Variants in FBXO34 observed in about 807,000 individuals in gnomAD.
FBXO34 encodes F-box protein 34.
FBXO34 carries 12 observed loss-of-function variants against 24.5 expected under a neutral mutation model. The observed-to-expected ratio is 0.49, with a 90% confidence interval of 0.31 to 0.79. The LOEUF (loss-of-function observed/expected upper bound fraction) is 0.79, where lower values mean the gene tolerates loss of function less well. Among genes scored for constraint, FBXO34 ranks in the 30% least tolerant of loss-of-function variants. The pLI is 0.04. For synonymous variants in FBXO34, 320 were observed against 311.9 expected, an observed-to-expected ratio of 1.03 and a Z score of -0.27; for missense variants, 823 against 857.7, an observed-to-expected ratio of 0.96 and a Z score of 0.51.
chr14:55,313,053 T>C (rs2092543534), intron 1 of FBXO34, among the ~76,000 whole-genome samples: 1 of 152,208 alleles, frequency 6.6e-6, no homozygotes, highest in Non-Finnish European at 1.5e-5. Context: ...TTTTTAAACT[T>C]AAGTTCCAAT....
At chr14:55,355,366 C>G (rs1413498428), downstream of FBXO34, 1 of 152,266 alleles carries the variant, frequency 6.6e-6, no homozygotes, top group Non-Finnish European at 1.5e-5. Flanking sequence ...TATGCCCCTG[C>G]TTGGCTGGGT....
chr14:55,393,511 A>C, the FBXO34 span, among the ~76,000 whole-genome samples: 5 of 152,126 alleles, frequency 3.3e-5, no homozygotes, highest in African/African-American at 1.2e-4. Flanking sequence ...CTCAGGGGTA[A>C]TCCTTTAAAA....
chr14:55,395,445 C>T, the FBXO34 span, among the ~76,000 whole-genome samples: 1 of 152,202 alleles, frequency 6.6e-6, no homozygotes, highest in African/African-American at 2.4e-5. Context: ...CTCTGCCTCC[C>T]GGGTTCAAGT....
chr14:55,440,741 C>A, the FBXO34 span: 2 of 574,206 alleles, frequency 3.5e-6, no homozygotes, highest in Non-Finnish European at 5.9e-6. Context: ...CCCACTCTGC[C>A]CGCAGCTGGG....
chr14:55,395,908 C>T, the FBXO34 span: 2 of 1,475,792 alleles, frequency 1.4e-6, no homozygotes, highest in Non-Finnish European at 1.8e-6. Flanking sequence ...AACATGTAGC[C>T]TCAAGTAAAA....
intron 1 of FBXO34, among the ~76,000 whole-genome samples, chr14:55,277,229 A>G (rs570905729): frequency 5.9e-5 from 9 of 152,336 alleles, no homozygotes; most frequent in African/African-American, 1.7e-4. Flanking sequence ...CAAATGGTCT[A>G]CTTTGTTAGA....
At chr14:55,276,802 G>A (rs2139628769) in intron 1 of FBXO34, among the ~76,000 whole-genome samples, 1 of 152,288 alleles carries the variant, frequency 6.6e-6, no homozygotes, top group Middle Eastern at 3.4e-3. Context: ...GAATTCTTGG[G>A]GACTGCGGAT....
intron 1 of FBXO34, among the ~76,000 whole-genome samples, chr14:55,301,081 C>T (rs1030956331): frequency 6.6e-6 from 1 of 152,164 alleles, no homozygotes; most frequent in Admixed American, 6.5e-5. Context: ...TTCCTTGTTA[C>T]TACAGTGGAC....
the FBXO34 span, among the ~76,000 whole-genome samples, chr14:55,389,419 A>C: frequency 1.2e-4 from 18 of 152,238 alleles, no homozygotes; most frequent in Non-Finnish European, 5.9e-5. Context: ...GGCACTGTTC[A>C]GTGTGCTGCC....
the FBXO34 span, among the ~76,000 whole-genome samples, chr14:55,381,227 T>C: frequency 3.3e-5 from 5 of 152,188 alleles, no homozygotes; most frequent in African/African-American, 1.2e-4. Flanking sequence ...CACCCAGCAA[T>C]GTGCATGACA....
chr14:55,345,548 C>A (rs1412327538), intron 1 of FBXO34, among the ~76,000 whole-genome samples: 1 of 152,142 alleles, frequency 6.6e-6, no homozygotes, highest in East Asian at 1.9e-4. Flanking sequence ...CTTCCTTCTT[C>A]TCCCCGTCTC....
chr14:55,440,008 G>A, the FBXO34 span, among the ~76,000 whole-genome samples: 6 of 151,156 alleles, frequency 4.0e-5, no homozygotes, highest in Non-Finnish European at 7.4e-5. Context: ...GCTGAGGCAC[G>A]AGAATCGCTT....
At chr14:55,422,370 T>G in the FBXO34 span, among the ~76,000 whole-genome samples, 1 of 152,048 alleles carries the variant, frequency 6.6e-6, no homozygotes, top group Non-Finnish European at 1.5e-5. Flanking sequence ...CTCAGCCTCC[T>G]GAGTAGCTGG....
intron 1 of FBXO34, among the ~76,000 whole-genome samples, chr14:55,344,222 C>G (rs117848126): frequency 6.6e-6 from 1 of 152,168 alleles, no homozygotes; most frequent in African/African-American, 2.4e-5. Context: ...TTCTTGTCCA[C>G]TGTACTTCCT....
At chr14:55,440,643 G>A in the FBXO34 span, 1 of 1,340,568 alleles carries the variant, frequency 7.5e-7, no homozygotes, top group Non-Finnish European at 9.9e-7. Flanking sequence ...AGCGGGATGC[G>A]GAACCCAGCT....
At chr14:55,381,954 C>A in the FBXO34 span, 2 of 1,608,432 alleles carry the variant, frequency 1.2e-6, no homozygotes, top group Non-Finnish European at 1.7e-6. Flanking sequence ...GGATATGCTG[C>A]TTCTCACCAG....
the FBXO34 span, among the ~76,000 whole-genome samples, chr14:55,420,977 C>T: frequency 1.4e-5 from 2 of 146,696 alleles, no homozygotes; most frequent in Non-Finnish European, 3.0e-5. Flanking sequence ...AGGAGAATGG[C>T]GTGAACCCGG....
intron 1 of FBXO34, among the ~76,000 whole-genome samples, chr14:55,298,119 G>A (rs1272543269): frequency 1.3e-5 from 2 of 152,134 alleles, no homozygotes; most frequent in Non-Finnish European, 2.9e-5. Flanking sequence ...AGTTAAATGT[G>A]TAGCACACGC....
intron 1 of FBXO34, among the ~76,000 whole-genome samples, chr14:55,334,388 G>A (rs966660837): frequency 1.5e-4 from 23 of 152,182 alleles, no homozygotes; most frequent in African/African-American, 5.3e-4. Context: ...TGTGTGCCCT[G>A]TGATGGACAC....
Sources: gnomAD v4.1 joint callset for allele counts (sites outside exome capture counted in the v4.1 genomes callset) on GRCh38, gnomAD v4.1.1 for gene constraint, MANE v1.5 for transcripts, NCBI Gene and HGNC (gene_info 2026-07-23, HGNC 2026-07-21) for gene names.